The following CKAP5 variants were observed in gnomAD, a reference collection of about 807,000 sequenced individuals.
The protein encoded by CKAP5 is cytoskeleton associated protein 5.
Under a neutral mutation model 232.8 loss-of-function variants are expected in CKAP5, and 27 were observed. That is an observed-to-expected ratio of 0.12 (90% CI 0.09 to 0.16). The LOEUF (loss-of-function observed/expected upper bound fraction) is 0.16. Among genes scored for constraint, CKAP5 ranks in the 10% least tolerant of loss-of-function variants. CKAP5 has a pLI of 1.00. For synonymous variants in CKAP5, 785 were observed against 841.1 expected (o/e 0.93, Z 1.16); for missense variants, 1,838 against 2,424.7 (o/e 0.76, Z 5.08).
chr11:46,810,551 T>C (rs1353689587), intron 5 of CKAP5, among the ~76,000 whole-genome samples: 1 of 152,158 alleles, frequency 6.6e-6, no homozygotes, highest in Non-Finnish European at 1.5e-5. Context: ...GCTCAAGTGA[T>C]CTGTCTCCCT....
At chr11:46,822,338 CT>C (rs1939553371) in intron 1 of CKAP5, among the ~76,000 whole-genome samples, 1 of 152,028 alleles carries the variant, frequency 6.6e-6, no homozygotes, top group Non-Finnish European at 1.5e-5. Context: ...CAAATAAGAA[CT>C]TCTTAGATAT....
At chr11:46,820,965 ATATCT>A (rs1939510063) in intron 2 of CKAP5, 1 of 525,462 alleles carries the variant, frequency 1.9e-6, no homozygotes, top group Admixed American at 3.5e-5. Flanking sequence ...CACTTCACTA[ATATCT>A]TTTCTTTGAA....
Position 46,762,013 on chromosome 11 carries a change from T to C in CKAP5, c.4208A>G (p.Lys1403Arg). ...VYNVHGDQVF[K>R]LIGNLSEKDM... ...GAAGTCACTCACATTTCCAATCAGTTTGAACACCTGATCCCCATGTACATT... is the reference window on the plus strand; with the variant it reads ...GAAGTCACTCACATTTCCAATCAGTCTGAACACCTGATCCCCATGTACATT... The change falls in exon 32 of 44, where the codon AAA (lysine) becomes AGA (arginine). Residue 1403 changes from lysine (K) to arginine (R), a missense_variant. By Grantham distance (26) the Lys-to-Arg change is conservative. Transcript: ENST00000529230. The C allele has an allele frequency of 3.1e-6, 5 of 1,612,162 alleles. No homozygotes were observed. The highest frequency in any genetic ancestry group is 1.3e-5 in the African/African-American group (1 of 75,026).
At chr11:46,752,194 A>ATATATATATATATATG (rs57191772) in intron 38 of CKAP5, among the ~76,000 whole-genome samples, 1 of 61,326 alleles carries the variant, frequency 1.6e-5, no homozygotes, top group Non-Finnish European at 3.8e-5. Flanking sequence ...ATATATATAT[A>ATATATATATATATATG]CACACACACA....
chr11:46,831,957 G>A (rs979422192), intron 1 of CKAP5, among the ~76,000 whole-genome samples: 9 of 146,634 alleles, frequency 6.1e-5, no homozygotes, highest in South Asian at 2.2e-4. Flanking sequence ...CTCGACTTCC[G>A]GGGCTCTGGC....
In CKAP5 at chr11:46,744,537, G is replaced by A. The variant is rs2065008459; in HGVS notation, c.5745C>T (p.Pro1915=). 6.2e-7 allele frequency: 1 copy of A among 1,614,114 alleles called. No homozygotes were observed. The highest frequency in any genetic ancestry group is 8.5e-7 in the Non-Finnish European group (1 of 1,180,008). Residue 1915 remains proline, a synonymous_variant, in exon 43 of 44, where the codon CCC becomes CCT. Transcript: ENST00000529230. The part of the protein sequence containing the change: ...PQMEVTCVPT[P]TSTVSSIGNT... ...TACCTATGGAGGACACTGTGCTTGT[G>A]GGCGTGGGCACACATGTGACTTCCA...
chr11:46,810,865 A>G, intron 5 of CKAP5, 142 bp downstream of exon 5: 1 of 699,426 alleles, frequency 1.4e-6, no homozygotes, highest in South Asian at 2.5e-5. Context: ...TTGCTGAGAA[A>G]GTTAGCTATG....
At chr11:46,788,390 CAT>C (rs2065417022) in intron 16 of CKAP5, among the ~76,000 whole-genome samples, 1 of 152,196 alleles carries the variant, frequency 6.6e-6, no homozygotes. Context: ...GCCTGACCAA[CAT>C]AGAGAAACCG....
intron 8 of CKAP5, 134 bp downstream of exon 8, chr11:46,807,897 G>C: frequency 3.4e-6 from 2 of 580,518 alleles, no homozygotes; most frequent in South Asian, 3.1e-5. Context: ...CTTTAAAAAT[G>C]TATGTCTGTA....
At chr11:46,811,364 A>C (rs1295372314) in intron 4 of CKAP5, among the ~76,000 whole-genome samples, 186 bp from the exon 5 acceptor site, 1 of 152,236 alleles carries the variant, frequency 6.6e-6, no homozygotes, top group Non-Finnish European at 1.5e-5. Context: ...TGTTCTTCTA[A>C]GAATATTATT....
chr11:46,756,999 A>C (rs2065115263), intron 35 of CKAP5, among the ~76,000 whole-genome samples: 2 of 150,118 alleles, frequency 1.3e-5, no homozygotes, highest in Admixed American at 1.3e-4. Flanking sequence ...CCCTGACCTC[A>C]GGTGATCTGC....
At chr11:46,833,055 C>A (rs1939829639) in intron 1 of CKAP5, among the ~76,000 whole-genome samples, 1 of 151,994 alleles carries the variant, frequency 6.6e-6, no homozygotes, top group South Asian at 2.1e-4. Context: ...GTGTTAGATG[C>A]TCATCTAGAT....
At chr11:46,770,149 T>C (rs1169040727) in intron 25 of CKAP5, 51 bp from the exon 26 acceptor site, 1 of 1,578,512 alleles carries the variant, frequency 6.3e-7, no homozygotes, top group African/African-American at 1.3e-5. Context: ...AATGATAAAG[T>C]CATACAAAGC....
chr11:46,776,513 C>G, intron 23 of CKAP5, 130 bp from the exon 24 acceptor site: 1 of 592,486 alleles, frequency 1.7e-6, no homozygotes, highest in South Asian at 4.7e-5. Flanking sequence ...ATGAAACCAT[C>G]TTCTCTGAAA....
intron 26 of CKAP5, among the ~76,000 whole-genome samples, chr11:46,769,237 T>C (rs1262804757): frequency 1.3e-5 from 2 of 152,172 alleles, no homozygotes; most frequent in African/African-American, 4.8e-5. Flanking sequence ...AATTTTAATA[T>C]CAGGATAAAG....
At chr11:46,752,020 C>T (rs778873912) in intron 38 of CKAP5, among the ~76,000 whole-genome samples, 4 of 151,476 alleles carry the variant, frequency 2.6e-5, no homozygotes, top group Non-Finnish European at 5.9e-5. Flanking sequence ...AAATCTGTTT[C>T]AAACTTCTTT....
chr11:46,789,946 A>G, intron 15 of CKAP5, 130 bp downstream of exon 15: 1 of 574,812 alleles, frequency 1.7e-6, no homozygotes, highest in Non-Finnish European at 3.1e-6. Flanking sequence ...GTCCCACCTC[A>G]TCTTTAATGC....
rs578093232 is a variant in CKAP5, at chr11:46,748,966, G to A, written c.5704+1308C>T. ...TCTATCTCAGCCTCTTGAGTAGCTG[G>A]GACTACAGGCGCACGCCACCACACC... On this transcript the variant is annotated intron_variant, in intron 42 of 43. Coordinates refer to ENST00000529230, the MANE Select transcript of CKAP5 (RefSeq NM_001008938.4). Among the ~76,000 whole-genome samples the A allele has an allele frequency of 1.3e-4, 20 of 151,368 alleles. No individual in the cohort carries two copies. In the East Asian group the frequency reaches 4.0e-3, roughly 30 times the overall value.
Position 46,744,117 on chromosome 11 carries a change from G to A in CKAP5, c.6005C>T (p.Thr2002Ile). 5.6e-6 allele frequency: 9 copies of A among 1,614,112 alleles called. No homozygotes were observed. The highest frequency in any genetic ancestry group is 7.6e-6 in the Non-Finnish European group (9 of 1,180,018). The change falls in exon 44 of 44, where the codon ACT becomes ATT. Residue 2002 changes from threonine (T) to isoleucine (I), a missense_variant. This residue lies in a region of CKAP5 where 62 missense variants were observed against 61.1 expected (regional missense o/e 1.01). Transcript: ENST00000529230. ...HQHSDLDSNQ[T>I]HSSGTVTSSS... Reference sequence around the variant, plus strand: ...GGAGGTCACAGTTCCTGAAGAGTGAGTCTGGTTAGAATCCAGGTCTGAATG... The same window carrying A: ...GGAGGTCACAGTTCCTGAAGAGTGAATCTGGTTAGAATCCAGGTCTGAATG...
Sources: gnomAD v4.1 joint callset for allele counts (sites outside exome capture counted in the v4.1 genomes callset) on GRCh38, gnomAD v4.1.1 for gene constraint, gnomAD v4.1.1 regional missense constraint, MANE v1.5 for transcripts, NCBI Gene and HGNC (gene_info 2026-07-23, HGNC 2026-07-21) for gene names.